The following SPOCK1 variants were observed in gnomAD, a reference collection of about 807,000 sequenced individuals.
SPOCK1 encodes testican-1.
In SPOCK1, 23 loss-of-function variants were observed where a neutral mutation model predicts 55.3. The observed-to-expected ratio is 0.42, with a 90% CI of 0.30 to 0.59. The LOEUF (loss-of-function observed/expected upper bound fraction) is 0.59, where lower values mean the gene tolerates loss of function less well. SPOCK1 is among the 20% of genes least tolerant of loss of function. The pLI is 0.22. For synonymous variants in SPOCK1, 226 were observed against 221.0 expected (o/e 1.02, Z -0.20); for missense variants, 499 against 552.5 (o/e 0.90, Z 0.97).
intron 3 of SPOCK1, among the ~76,000 whole-genome samples, chr5:137,213,782 T>C (rs1755662227): frequency 6.6e-6 from 1 of 152,192 alleles, no homozygotes; most frequent in South Asian, 2.1e-4. Flanking sequence ...GAATGGTTAT[T>C]ACTGTGATGA....
intron 3 of SPOCK1, among the ~76,000 whole-genome samples, chr5:137,219,154 G>A (rs933505770): frequency 6.6e-6 from 1 of 152,204 alleles, no homozygotes; most frequent in African/African-American, 2.4e-5. Flanking sequence ...AATTTGTCTA[G>A]TAGCCTTTTA....
At chr5:137,372,760 T>G (rs1751227949) in intron 2 of SPOCK1, among the ~76,000 whole-genome samples, 1 of 152,142 alleles carries the variant, frequency 6.6e-6, no homozygotes, top group Admixed American at 6.5e-5. Context: ...TAAGTGGGAA[T>G]GGGTACACAC....
intron 6 of SPOCK1, among the ~76,000 whole-genome samples, chr5:137,038,223 A>G (rs1344501109): frequency 6.6e-6 from 1 of 152,224 alleles, no homozygotes; most frequent in Admixed American, 6.5e-5. Context: ...GACTCATGAA[A>G]GACCTTACTG....
chr5:137,443,607 A>T (rs568783336), intron 2 of SPOCK1, among the ~76,000 whole-genome samples: 2 of 152,094 alleles, frequency 1.3e-5, no homozygotes, highest in East Asian at 3.9e-4. Context: ...ACCCCAAACC[A>T]TAGACCTAAA....
intron 2 of SPOCK1, among the ~76,000 whole-genome samples, chr5:137,278,981 C>G (rs963413388): frequency 6.6e-6 from 1 of 152,174 alleles, no homozygotes; most frequent in Non-Finnish European, 1.5e-5. Flanking sequence ...ATGCTATTAT[C>G]TGGTCCCGCT....
chr5:137,161,016 A>G (rs1017279694), intron 3 of SPOCK1, among the ~76,000 whole-genome samples: 4 of 146,238 alleles, frequency 2.7e-5, no homozygotes, highest in Middle Eastern at 6.5e-3. Context: ...AGATATATAT[A>G]TATATATATA....
At chr5:137,427,857 C>G (rs1054243661) in intron 2 of SPOCK1, among the ~76,000 whole-genome samples, 1 of 148,650 alleles carries the variant, frequency 6.7e-6, no homozygotes, top group Non-Finnish European at 1.5e-5. Flanking sequence ...TGCAGTGAGC[C>G]GAGATCGCGC....
At chr5:137,354,412 T>C (rs894096871) in intron 2 of SPOCK1, among the ~76,000 whole-genome samples, 14 of 152,120 alleles carry the variant, frequency 9.2e-5, no homozygotes, top group African/African-American at 3.4e-4. Flanking sequence ...CAGGATGACG[T>C]TGCACCCTCC....
Position 137,079,538 on chromosome 5 carries a change from C to T in SPOCK1, c.475-11709G>A, listed in dbSNP as rs76934811. 4.6e-4 allele frequency among the ~76,000 whole-genome samples: 47 copies of T among 101,844 alleles called. 3 individuals are homozygous for T. The highest frequency in any genetic ancestry group is 2.2e-3 in the African/African-American group (47 of 21,348). The allele number at this position is 101,844 out of a possible 152,430, so 66.8% of individuals were successfully genotyped here. On this transcript the variant is annotated intron_variant, in intron 5 of 10. Coordinates refer to ENST00000394945, the MANE Select transcript of SPOCK1 (RefSeq NM_004598.4). Reference sequence around the variant, plus strand: ...CTCCTACCATCCCATCTGATTCCCCCCCCCCCCGACTTAGTGAAATGTCGT... The same window carrying T: ...CTCCTACCATCCCATCTGATTCCCCTCCCCCCCGACTTAGTGAAATGTCGT...
At chr5:137,242,386 A>G (rs1756300116) in intron 3 of SPOCK1, among the ~76,000 whole-genome samples, 1 of 152,178 alleles carries the variant, frequency 6.6e-6, no homozygotes, top group Non-Finnish European at 1.5e-5. Context: ...GTTCCCTAGC[A>G]CACACTCTGG....
At chr5:137,068,354 C>T (rs1273928384) in intron 5 of SPOCK1, among the ~76,000 whole-genome samples, 1 of 152,214 alleles carries the variant, frequency 6.6e-6, no homozygotes, top group African/African-American at 2.4e-5. Flanking sequence ...AATGCTCTTG[C>T]TTCCGTTGTC....
intron 5 of SPOCK1, among the ~76,000 whole-genome samples, chr5:137,075,255 G>A (rs980609948): frequency 7.9e-5 from 12 of 152,148 alleles, no homozygotes; most frequent in South Asian, 4.1e-4. Context: ...TTTGCCCAGT[G>A]GTGCTAGGAG....
intron 2 of SPOCK1, among the ~76,000 whole-genome samples, chr5:137,412,533 G>A (rs1278962359): frequency 4.6e-5 from 7 of 152,316 alleles, no homozygotes; most frequent in South Asian, 2.1e-4. Flanking sequence ...CAATGGAAGC[G>A]CAGGGTCACT....
At chr5:137,008,410 G>A (rs1751292860) in intron 6 of SPOCK1, among the ~76,000 whole-genome samples, 2 of 151,576 alleles carry the variant, frequency 1.3e-5, no homozygotes, top group Admixed American at 1.3e-4. Flanking sequence ...TTTCAGCACG[G>A]CAATATTCAA....
At chr5:137,198,465 G>C (rs1755346571) in intron 3 of SPOCK1, among the ~76,000 whole-genome samples, 1 of 152,226 alleles carries the variant, frequency 6.6e-6, no homozygotes, top group Non-Finnish European at 1.5e-5. Flanking sequence ...AAGGGAGAAA[G>C]GAAAGTAAGC....
intron 4 of SPOCK1, among the ~76,000 whole-genome samples, chr5:137,126,071 G>A (rs1420193529): frequency 1.3e-5 from 2 of 152,242 alleles, no homozygotes; most frequent in Admixed American, 1.3e-4. Context: ...CCTAATGTAA[G>A]CTGTTTGGGT....
At chr5:137,070,112 A>G (rs1752584383) in intron 5 of SPOCK1, among the ~76,000 whole-genome samples, 1 of 152,152 alleles carries the variant, frequency 6.6e-6, no homozygotes, top group African/African-American at 2.4e-5. Context: ...GTTTGAGCAG[A>G]CATGTCAAGA....
intron 3 of SPOCK1, among the ~76,000 whole-genome samples, chr5:137,160,607 A>ATT (rs1754525742): frequency 4.7e-5 from 3 of 63,536 alleles, no homozygotes; most frequent in East Asian, 5.4e-4. Flanking sequence ...TATTATATAT[A>ATT]ATATATAATA....
intron 4 of SPOCK1, among the ~76,000 whole-genome samples, chr5:137,131,988 AAATAT>A (rs1279164271): frequency 2.3e-5 from 1 of 43,826 alleles, no homozygotes; most frequent in Admixed American, 2.2e-4. Context: ...AAAAAAAAAA[AAATAT>A]ATATATATAT....
Sources: allele counts gnomAD v4.1 joint callset (sites outside exome capture counted in the v4.1 genomes callset), GRCh38; gene constraint gnomAD v4.1.1; transcripts MANE v1.5; gene names NCBI Gene and HGNC (gene_info 2026-07-23, HGNC 2026-07-21).